Variants in SNTG1 observed in about 807,000 individuals in gnomAD.
The protein encoded by SNTG1 is gamma-1-syntrophin.
A neutral mutation model predicts 74.7 loss-of-function variants in SNTG1; 39 were observed. The ratio of observed to expected loss-of-function variants is 0.52; its 90% CI spans 0.40 to 0.68. The LOEUF (loss-of-function observed/expected upper bound fraction) is 0.68, where lower values mean the gene tolerates loss of function less well. SNTG1 is among the 30% of genes least tolerant of loss of function. The probability of loss-of-function intolerance (pLI) is 0.00; values close to 1 mark genes in which losing one functional copy is unlikely to be tolerated. For missense variants in SNTG1, 685 were observed against 609.5 expected (o/e 1.12, Z -1.30); for synonymous variants, 254 against 217.1 (o/e 1.17, Z -1.49).
At chr8:50,708,705 C>A (rs2095452613) in intron 16 of SNTG1, 181 bp from the exon 17 acceptor site, 1 of 559,868 alleles carries the variant, frequency 1.8e-6, no homozygotes, top group Non-Finnish European at 3.2e-6. Flanking sequence ...TAAAACCCAA[C>A]ACTCTCAGCT....
chr8:50,352,307 G>C (rs1400073340), intron 2 of SNTG1, among the ~76,000 whole-genome samples: 1 of 152,050 alleles, frequency 6.6e-6, no homozygotes, highest in African/African-American at 2.4e-5. Flanking sequence ...GGAACTTTAA[G>C]TGCTTTCTTT....
chr8:49,945,235 G>A (rs997868075), intron 1 of SNTG1, among the ~76,000 whole-genome samples: 1 of 152,110 alleles, frequency 6.6e-6, no homozygotes, highest in Non-Finnish European at 1.5e-5. Context: ...AGTCTGGTAG[G>A]TTAACTTCAA....
intron 10 of SNTG1, among the ~76,000 whole-genome samples, chr8:50,532,860 T>C (rs1023721835): frequency 2.0e-5 from 3 of 152,224 alleles, no homozygotes; most frequent in Non-Finnish European, 4.4e-5. Context: ...TGTGTGTTAA[T>C]TCTCAGTTCT....
At chr8:49,975,885 C>G (rs1179005564) in intron 1 of SNTG1, among the ~76,000 whole-genome samples, 1 of 151,990 alleles carries the variant, frequency 6.6e-6, no homozygotes, top group Non-Finnish European at 1.5e-5. Context: ...TTTTCTTCAA[C>G]ATTTTTTCCT....
chr8:50,530,174 C>T lies in SNTG1; in HGVS notation c.467-3C>T, dbSNP rs770755625. On this transcript the variant is annotated splice_polypyrimidine_tract_variant and splice_region_variant and intron_variant, in intron 9 of 18. Transcript: ENST00000642720. ...TGGAATGTTATGATTTTGTCTCCTG[C>T]AGGTGCTCCAAGTGACCAGAGCAGT... The T allele has an allele frequency of 3.1e-6, 5 of 1,613,342 alleles. No homozygotes were observed. Among genetic ancestry groups the T allele is most frequent in the Non-Finnish European group, 4.2e-6 (5 of 1,179,450 alleles).
At chr8:50,792,469 T>A (rs1385810730) in intron 18 of SNTG1, among the ~76,000 whole-genome samples, 1 of 151,858 alleles carries the variant, frequency 6.6e-6, no homozygotes, top group Non-Finnish European at 1.5e-5. Context: ...CTACCTCTTA[T>A]CCACCATGTA....
At chr8:50,415,461 T>C (rs2093002357) in intron 4 of SNTG1, among the ~76,000 whole-genome samples, 1 of 152,154 alleles carries the variant, frequency 6.6e-6, no homozygotes. Flanking sequence ...CTTATACCTA[T>C]ACATGTTAAC....
chr8:49,963,817 C>A (rs1441402632), intron 1 of SNTG1, among the ~76,000 whole-genome samples: 8 of 152,174 alleles, frequency 5.3e-5, no homozygotes, highest in Non-Finnish European at 4.4e-5. Flanking sequence ...ACTTCATTTT[C>A]TTCTCTGTTT....
At position 50,690,084 on chromosome 8, in the gene SNTG1, C is replaced by A. The variant is rs540610581; in HGVS notation, c.1039-14516C>A. ...ATGGTAGTTTGTATTTCTGTGGGAT[C>A]GGTGGTGATATCCCCTTTATCATTT... On this transcript the variant is annotated intron_variant, in intron 15 of 18. Transcript: ENST00000642720. Among the ~76,000 whole-genome samples, 44 of 152,200 alleles carry A rather than the reference C, an allele frequency of 2.9e-4. 1 individual carries two copies. Among genetic ancestry groups the A allele is most frequent in the Admixed American group, 2.7e-3 (42 of 15,280 alleles).
At chr8:50,649,873 G>A (rs2095134054) in intron 13 of SNTG1, among the ~76,000 whole-genome samples, 1 of 151,622 alleles carries the variant, frequency 6.6e-6, no homozygotes, top group Non-Finnish European at 1.5e-5. Context: ...GCAACATTGA[G>A]AAATTTACAA....
At chr8:50,510,758 G>C (rs2094063597) in intron 9 of SNTG1, among the ~76,000 whole-genome samples, 1 of 152,050 alleles carries the variant, frequency 6.6e-6, no homozygotes, top group South Asian at 2.1e-4. Flanking sequence ...GATCGGTGGT[G>C]ATATCCCCTT....
intron 2 of SNTG1, among the ~76,000 whole-genome samples, chr8:50,196,456 C>A (rs1052628535): frequency 6.6e-6 from 1 of 152,138 alleles, no homozygotes; most frequent in Non-Finnish European, 1.5e-5. Flanking sequence ...TTTTTCTCTT[C>A]TTTAAGCCGT....
intron 13 of SNTG1, among the ~76,000 whole-genome samples, chr8:50,650,311 T>C (rs1358689574): frequency 1.3e-5 from 2 of 152,086 alleles, no homozygotes; most frequent in East Asian, 1.9e-4. Context: ...AATCTCAAGT[T>C]ATTTATTTAA....
intron 13 of SNTG1, among the ~76,000 whole-genome samples, chr8:50,623,067 T>C (rs930583870): frequency 1.3e-5 from 2 of 152,078 alleles, no homozygotes; most frequent in African/African-American, 4.8e-5. Context: ...TTGGTTTTGT[T>C]TTTTGTGTGT....
chr8:50,293,804 C>T (rs1020195123), intron 2 of SNTG1, among the ~76,000 whole-genome samples: 9 of 152,022 alleles, frequency 5.9e-5, no homozygotes, highest in African/African-American at 2.2e-4. Context: ...GTATATAAAA[C>T]TGTGTAGTAT....
At chr8:50,490,925 T>C (rs971245279) in intron 8 of SNTG1, 5 of 153,268 alleles carry the variant, frequency 3.3e-5, no homozygotes, top group Non-Finnish European at 5.9e-5. Context: ...GCATATAATG[T>C]ATAATCAACG....
chr8:50,092,821 A>G (rs1179306833), intron 1 of SNTG1, among the ~76,000 whole-genome samples: 13 of 152,298 alleles, frequency 8.5e-5, no homozygotes, highest in East Asian at 3.9e-4. Flanking sequence ...GTGGAGTACA[A>G]TGTTGCTGTG....
intron 15 of SNTG1, among the ~76,000 whole-genome samples, chr8:50,669,235 G>T (rs1272573741): frequency 6.6e-6 from 1 of 150,574 alleles, no homozygotes; most frequent in African/African-American, 2.4e-5. Flanking sequence ...ACCCTTCAAA[G>T]AATTAGTGAA....
At chr8:50,613,745 TAGA>T (rs910745604) in intron 13 of SNTG1, among the ~76,000 whole-genome samples, 23 of 151,440 alleles carry the variant, frequency 1.5e-4, no homozygotes, top group African/African-American at 5.4e-4. Context: ...CTCTTCTTTT[TAGA>T]AGAAGTTTTT....
Sources: allele counts gnomAD v4.1 joint callset (sites outside exome capture counted in the v4.1 genomes callset), GRCh38; gene constraint gnomAD v4.1.1; transcripts MANE v1.5; gene names NCBI Gene and HGNC (gene_info 2026-07-23, HGNC 2026-07-21).